Variants in ACAP2 observed in about 807,000 individuals in gnomAD.
ACAP2 encodes ArfGAP with coiled-coil, ankyrin repeat and PH domains 2, also known as arf-GAP with coiled-coil, ANK repeat and PH domain-containing protein 2.
ACAP2 carries 39 observed loss-of-function variants against 115.8 expected under a neutral mutation model. The ratio of observed to expected loss-of-function variants is 0.34; its 90% CI spans 0.26 to 0.44. The LOEUF (loss-of-function observed/expected upper bound fraction) is 0.44. ACAP2 is among the 20% of genes least tolerant of loss of function. The pLI, the probability that ACAP2 is intolerant of heterozygous loss-of-function variation, is 1.00. For synonymous variants in ACAP2, 289 were observed against 315.8 expected, an observed-to-expected ratio of 0.92 and a Z score of 0.90; for missense variants, 662 against 927.6, an observed-to-expected ratio of 0.71 and a Z score of 3.72.
intron 14 of ACAP2, 43 bp from the exon 15 acceptor site, chr3:195,301,687 T>G (rs777280800): frequency 1.2e-5 from 18 of 1,553,472 alleles, no homozygotes; most frequent in Non-Finnish European, 1.5e-5. Flanking sequence ...AAGTCTCTGT[T>G]TGCGTATTTG....
chr3:195,310,881 C>G (rs529069801), intron 10 of ACAP2, among the ~76,000 whole-genome samples: 1 of 151,922 alleles, frequency 6.6e-6, no homozygotes, highest in African/African-American at 2.4e-5. Context: ...TAAGGAAAAA[C>G]GTCATATATC....
chr3:195,326,716 C>A (rs1729820068), intron 9 of ACAP2, 169 bp downstream of exon 9: 2 of 557,102 alleles, frequency 3.6e-6, no homozygotes, highest in Non-Finnish European at 3.1e-6. Flanking sequence ...AAAATACATA[C>A]CTTAAAATCT....
chr3:195,328,294 TA>T (rs1198553004), intron 8 of ACAP2, among the ~76,000 whole-genome samples: 2 of 152,214 alleles, frequency 1.3e-5, no homozygotes, highest in Admixed American at 6.5e-5. Context: ...TATATTTTTT[TA>T]AAACTAAATT....
intron 7 of ACAP2, among the ~76,000 whole-genome samples, chr3:195,334,049 C>G (rs1232920843): frequency 6.6e-6 from 1 of 151,984 alleles, no homozygotes; most frequent in African/African-American, 2.4e-5. Flanking sequence ...AAATCACCCT[C>G]ATTTTAATTA....
chr3:195,328,166 A>G (rs1729923165), intron 8 of ACAP2, among the ~76,000 whole-genome samples: 1 of 152,030 alleles, frequency 6.6e-6, no homozygotes, highest in Non-Finnish European at 1.5e-5. Context: ...CCAACTCTGA[A>G]CCTCCATCAC....
intron 21 of ACAP2, among the ~76,000 whole-genome samples, chr3:195,286,732 G>A (rs1428481656): frequency 6.6e-6 from 1 of 152,212 alleles, no homozygotes; most frequent in East Asian, 1.9e-4. Context: ...GGTTTTCACA[G>A]AGGATGCTTA....
chr3:195,424,243 T>G lies in ACAP2; in HGVS notation c.53+18552A>C, dbSNP rs6778151. Among the ~76,000 whole-genome samples, 344 of 57,892 alleles carry G rather than the reference T, an allele frequency of 5.9e-3. 3 individuals carry two copies. The highest frequency in any genetic ancestry group is 0.024 in the South Asian group (28 of 1,158). 38.0% of individuals were successfully genotyped at this position (57,892 alleles called of 152,430 possible). A position where few individuals can be genotyped will look rare whatever the true frequency, so the allele number is the denominator to read the frequency against. On this transcript the variant is annotated intron_variant, in intron 1 of 22. Coordinates refer to ENST00000326793, the MANE Select transcript of ACAP2 (RefSeq NM_012287.6). ...GGTCATATGTGTGTGTGTGTGTGTG[T>G]GGTGTGTGTGTGTGTGTGTATATAT... is the stretch of plus-strand genomic sequence containing the variant.
At chr3:195,426,908 G>A (rs1020383572) in intron 1 of ACAP2, among the ~76,000 whole-genome samples, 2 of 152,148 alleles carry the variant, frequency 1.3e-5, no homozygotes, top group Admixed American at 6.5e-5. Flanking sequence ...GGGGTGGACT[G>A]TGGTAGACAA....
intron 10 of ACAP2, among the ~76,000 whole-genome samples, chr3:195,311,098 TTTTTG>T: frequency 4.3e-5 from 2 of 46,144 alleles, no homozygotes; most frequent in Admixed American, 1.5e-4. Context: ...TTTTGTTTTT[TTTTTG>T]TTTTTTTTTT....
chr3:195,420,808 A>T (rs1714131028), intron 1 of ACAP2, among the ~76,000 whole-genome samples: 1 of 151,794 alleles, frequency 6.6e-6, no homozygotes, highest in Admixed American at 6.6e-5. Flanking sequence ...ATGCCCAGCT[A>T]ATTTTTTGTA....
chr3:195,343,689 C>A (rs1357202127), intron 5 of ACAP2, among the ~76,000 whole-genome samples: 1 of 152,134 alleles, frequency 6.6e-6, no homozygotes, highest in Non-Finnish European at 1.5e-5. Flanking sequence ...ATAACAGTAT[C>A]CCTTTTAATA....
chr3:195,387,370 C>T (rs1734374121), intron 2 of ACAP2, among the ~76,000 whole-genome samples: 1 of 152,220 alleles, frequency 6.6e-6, no homozygotes, highest in Non-Finnish European at 1.5e-5. Context: ...AACAACTTAT[C>T]TGCTGACTAT....
intron 2 of ACAP2, among the ~76,000 whole-genome samples, chr3:195,390,632 A>G (rs1734607918): frequency 6.6e-6 from 1 of 152,134 alleles, no homozygotes; most frequent in Admixed American, 6.5e-5. Flanking sequence ...ACAAACACAA[A>G]ATCTCAGGTG....
intron 1 of ACAP2, among the ~76,000 whole-genome samples, chr3:195,413,725 G>A (rs570929120): frequency 6.6e-6 from 1 of 152,102 alleles, no homozygotes; most frequent in Non-Finnish European, 1.5e-5. Flanking sequence ...CTCCAGCCTG[G>A]GCAACAGAGT....
intron 2 of ACAP2, among the ~76,000 whole-genome samples, chr3:195,383,599 G>A (rs1314967962): frequency 1.3e-5 from 2 of 150,276 alleles, no homozygotes; most frequent in Non-Finnish European, 3.0e-5. Flanking sequence ...TCTCAAAGTG[G>A]GAAGTCTGAG....
chr3:195,380,953 AG>A (rs1032501778), intron 4 of ACAP2, 55 bp downstream of exon 4: 6 of 1,466,822 alleles, frequency 4.1e-6, no homozygotes, highest in Non-Finnish European at 5.6e-6. Flanking sequence ...TTGCGACTCA[AG>A]AAAAATACTA....
At chr3:195,323,582 T>A (rs1368646789) in intron 9 of ACAP2, among the ~76,000 whole-genome samples, 1 of 152,170 alleles carries the variant, frequency 6.6e-6, no homozygotes, top group East Asian at 1.9e-4. Context: ...ATATTAATTT[T>A]GATTCATACA....
At chr3:195,318,471 C>T (rs1026569058) in intron 10 of ACAP2, among the ~76,000 whole-genome samples, 1 of 152,180 alleles carries the variant, frequency 6.6e-6, no homozygotes, top group Middle Eastern at 3.2e-3. Context: ...GTAGTCCAGG[C>T]TGAGGTGGTC....
chr3:195,432,800 G>C (rs545908468), intron 1 of ACAP2, among the ~76,000 whole-genome samples: 41 of 152,278 alleles, frequency 2.7e-4, no homozygotes, highest in African/African-American at 9.9e-4. Flanking sequence ...ACAATATTCA[G>C]CCTTCTGATC....
Sources: allele counts gnomAD v4.1 joint callset (sites outside exome capture counted in the v4.1 genomes callset), GRCh38; gene constraint gnomAD v4.1.1; transcripts MANE v1.5; gene names NCBI Gene and HGNC (gene_info 2026-07-23, HGNC 2026-07-21).